The following FRMD1 variants were observed in gnomAD, a reference collection of about 807,000 sequenced individuals.
FRMD1 encodes the protein FERM domain-containing protein 1.
In FRMD1, 51 loss-of-function variants were observed where a neutral mutation model predicts 54.9. The observed-to-expected ratio is 0.93, with a 90% CI of 0.74 to 1.17. The LOEUF (loss-of-function observed/expected upper bound fraction) is 1.17, where lower values mean the gene tolerates loss of function less well. FRMD1 is among the 50% of genes most tolerant of loss of function. The pLI is 0.00. For synonymous variants in FRMD1, 324 were observed against 306.4 expected (o/e 1.06, Z -0.60); for missense variants, 729 against 743.0 (o/e 0.98, Z 0.22).
At chr6:168,080,974 G>A (rs1800813298), upstream of FRMD1, among the ~76,000 whole-genome samples, 1 of 152,022 alleles carries the variant, frequency 6.6e-6, no homozygotes, top group African/African-American at 2.4e-5. Context: ...GAAAAGGAAT[G>A]GAAACTCCAC....
intron 2 of FRMD1, among the ~76,000 whole-genome samples, chr6:168,074,795 G>A (rs1231088317): frequency 1.3e-5 from 2 of 151,014 alleles, no homozygotes; most frequent in African/African-American, 4.9e-5. Flanking sequence ...GTGTGTGTGT[G>A]CATGTGTGTG....
chr6:168,064,487 A>G (rs547089053), intron 5 of FRMD1, among the ~76,000 whole-genome samples: 5 of 151,986 alleles, frequency 3.3e-5, no homozygotes, highest in Non-Finnish European at 7.4e-5. Flanking sequence ...AGAGACTCCT[A>G]CGGGTCCCAG....
chr6:168,057,539 C>A (rs1799478550), intron 10 of FRMD1, 200 bp from the exon 11 acceptor site: 2 of 703,320 alleles, frequency 2.8e-6, no homozygotes, highest in Non-Finnish European at 4.5e-6. Flanking sequence ...TCCTTTGATG[C>A]ATTTCAGGAG....
intron 1 of FRMD1, among the ~76,000 whole-genome samples, chr6:168,076,819 C>G (rs1320999814): frequency 1.3e-5 from 2 of 152,240 alleles, no homozygotes; most frequent in African/African-American, 4.8e-5. Context: ...CCCAGCCCAT[C>G]CCTTTCGAAT....
chr6:168,063,597 C>A lies in FRMD1; in HGVS notation c.804+4G>T. On this transcript the variant is annotated splice_donor_region_variant and intron_variant, in intron 6 of 10. Transcript: ENST00000283309. ...AGCCCATCGCTGGCCGCCCTGGGCT[C>A]GACCTTGTGCAGCCTGAAGAAGTGC... 1.9e-6 allele frequency: 3 copies of A among 1,607,398 alleles called. No individual in the cohort carries two copies. The South Asian group carries it at 3.3e-5, about 18-fold the overall frequency.
At chr6:168,079,234 A>G, upstream of FRMD1, 1 of 1,406,078 alleles carries the variant, frequency 7.1e-7, no homozygotes, top group Non-Finnish European at 9.3e-7. Context: ...CTGGGCTGGG[A>G]ATCCAGCATG....
chr6:168,074,214 G>A (rs1412417995), intron 2 of FRMD1, among the ~76,000 whole-genome samples: 2 of 152,096 alleles, frequency 1.3e-5, no homozygotes, highest in Non-Finnish European at 2.9e-5. Flanking sequence ...TGGAGCCCAG[G>A]GGACCGGCCC....
rs756272599 is a variant in FRMD1 at position 168,060,879 on chromosome 6, CCT to C, written c.1222_1223del (p.Arg408GlyfsTer18). 25 of 1,613,714 alleles carry C rather than the reference CCT, an allele frequency of 1.5e-5. No individual in the cohort carries two copies. Among genetic ancestry groups the C allele is most frequent in the Admixed American group, 1.2e-4 (7 of 60,008 alleles). ...CGTCCACAGACATCTCTCTGGATTC[CCT>C]GAGCCAGGAGTTGGCCTTGATGCCT... ...TSGIKANSWL[R>X]ESREMSVDVP... On this transcript the variant is annotated frameshift_variant, in exon 9 of 11. Transcript: ENST00000283309. LOFTEE classifies it high-confidence loss of function.
chr6:168,090,795 C>G (rs916288191), intron 1 of FRMD1, among the ~76,000 whole-genome samples: 2 of 152,248 alleles, frequency 1.3e-5, no homozygotes, highest in African/African-American at 4.8e-5. Flanking sequence ...CCAGGGCACA[C>G]GTCCACCATG....
At position 168,059,783 on chromosome 6, in the gene FRMD1, T is replaced by C. The variant is rs1257731294; in HGVS notation, c.1343-595A>G. On this transcript the variant is annotated intron_variant, in intron 9 of 10. Transcript: ENST00000283309. The surrounding 1 kb of genome is among the most constrained non-coding windows in gnomAD (Gnocchi z 4.4). ...GGACGCATCCCTCAGGACAGGGTGCTGCATCCTGGGCCAGGTGCACACACA... is the reference window on the plus strand; with the variant it reads ...GGACGCATCCCTCAGGACAGGGTGCCGCATCCTGGGCCAGGTGCACACACA... Among the ~76,000 whole-genome samples the C allele has an allele frequency of 6.6e-6, 1 of 152,056 alleles. No individual in the cohort carries two copies. The highest frequency in any genetic ancestry group is 1.5e-5 in the Non-Finnish European group (1 of 67,988).
intron 8 of FRMD1, among the ~76,000 whole-genome samples, chr6:168,061,298 T>G (rs1399299799): frequency 6.6e-6 from 1 of 151,316 alleles, no homozygotes; most frequent in Non-Finnish European, 1.5e-5. Flanking sequence ...GTGCTCAAGG[T>G]GAGGACGTGG....
At chr6:168,090,697 C>A (rs1433419740) in intron 1 of FRMD1, among the ~76,000 whole-genome samples, 26 of 152,212 alleles carry the variant, frequency 1.7e-4, no homozygotes, top group Admixed American at 1.7e-3. Context: ...TGTTCCCTTC[C>A]ATCTCCCCAC....
upstream of FRMD1, among the ~76,000 whole-genome samples, chr6:168,080,659 TG>T (rs1181648058): frequency 6.6e-6 from 1 of 151,746 alleles, no homozygotes; most frequent in African/African-American, 2.4e-5. Context: ...GGGCCAGGGT[TG>T]GGGGGTGGCA....
chr6:168,081,127 AG>A (rs1425091468), upstream of FRMD1, among the ~76,000 whole-genome samples: 1 of 152,084 alleles, frequency 6.6e-6, no homozygotes, highest in African/African-American at 2.4e-5. Context: ...TCTGAGTGCC[AG>A]GGAGAGCTGG....
chr6:168,084,550 G>A (rs555267701), upstream of FRMD1, among the ~76,000 whole-genome samples: 56 of 152,288 alleles, frequency 3.7e-4, no homozygotes, highest in South Asian at 1.5e-3. Flanking sequence ...ATGCAGTCTC[G>A]TGGGGGAGGT....
intron 2 of FRMD1, among the ~76,000 whole-genome samples, chr6:168,074,418 T>C (rs1486100683): frequency 6.6e-6 from 1 of 152,078 alleles, no homozygotes; most frequent in Non-Finnish European, 1.5e-5. Flanking sequence ...TGCATGTGTG[T>C]GGTGCGCACA....
In FRMD1 at chr6:168,063,775, G is replaced by T; in HGVS notation, c.649-19C>A. The T allele has an allele frequency of 2.5e-6, 4 of 1,601,182 alleles. No individual in the cohort carries two copies. Among genetic ancestry groups the T allele is most frequent in the African/African-American group, 2.7e-5 (2 of 74,526 alleles). ...TGATGATCTGAGGACAGAGCCGGGA[G>T]GTCAGCTCAGACCCCTGCTGGTCCC... On this transcript the variant is annotated intron_variant, in intron 5 of 10. Coordinates refer to ENST00000283309, the MANE Select transcript of FRMD1 (RefSeq NM_024919.6).
chr6:168,072,861 C>T (rs928200312), intron 2 of FRMD1, among the ~76,000 whole-genome samples: 4 of 152,134 alleles, frequency 2.6e-5, no homozygotes, highest in Admixed American at 2.0e-4. Flanking sequence ...ACCACAAAAC[C>T]GAATAGCAAA....
In FRMD1 at chr6:168,078,964, A is replaced by G. The variant is rs1323372639; in HGVS notation, c.131T>C (p.Leu44Pro). ...TTCCGAGGCCATCGCGTCCATTCCCAGGGTCGGCTCCTGCTGACTGCATGC... is the reference window on the plus strand; with the variant it reads ...TTCCGAGGCCATCGCGTCCATTCCCGGGGTCGGCTCCTGCTGACTGCATGC... ...RPACSQQEPT[L>P]GMDAMASEHR... is the part of the protein sequence containing the mutation. Residue 44 changes from leucine (L) to proline (P), a missense_variant, in exon 1 of 11, where the codon CTG (leucine) becomes CCG (proline). By Grantham distance (98) the Leu-to-Pro change is moderately conservative. Transcript: ENST00000283309. 1.2e-6 allele frequency: 2 copies of G among 1,611,408 alleles called. No individual in the cohort carries two copies. The highest frequency in any genetic ancestry group is 1.3e-5 in the African/African-American group (1 of 74,864).
Sources: allele counts gnomAD v4.1 joint callset (sites outside exome capture counted in the v4.1 genomes callset), GRCh38; gene constraint gnomAD v4.1.1; non-coding constraint Gnocchi (gnomAD v3.1); transcripts MANE v1.5; gene names NCBI Gene and HGNC (gene_info 2026-07-23, HGNC 2026-07-21).